PGC: variants seen among roughly 807,000 people sequenced by gnomAD.
The protein encoded by PGC is progastricsin.
In PGC, 31 loss-of-function variants were observed where a neutral mutation model predicts 45.9. The observed-to-expected ratio is 0.67, with a 90% CI of 0.51 to 0.91. The LOEUF is 0.91. Ranked by LOEUF, PGC falls within the 40% of genes least tolerant of loss-of-function variation. PGC has a pLI of 0.00. For missense variants in PGC, 477 were observed against 493.2 expected (o/e 0.97, Z 0.31); for synonymous variants, 192 against 201.8 (o/e 0.95, Z 0.41).
At chr6:41,742,533 C>T (rs1353689453) in intron 4 of PGC, 44 bp from the exon 5 acceptor site, 2 of 1,459,804 alleles carry the variant, frequency 1.4e-6, no homozygotes, top group African/African-American at 1.4e-5. Context: ...TCTGACTCCA[C>T]TCACCTCCTC....
chr6:41,745,119 A>G (rs976890718), intron 1 of PGC, among the ~76,000 whole-genome samples: 2 of 151,794 alleles, frequency 1.3e-5, no homozygotes, highest in African/African-American at 4.8e-5. Context: ...TTCACCATGC[A>G]TGCACTCCTC....
In PGC at chr6:41,736,951, G is replaced by A. The variant is rs370274716; in HGVS notation, c.1068C>T (p.Asn356=). 2.7e-5 allele frequency: 44 copies of A among 1,613,906 alleles called. No homozygotes were observed. Among genetic ancestry groups the A allele is most frequent in the Middle Eastern group, 3.3e-4 (2 of 6,078 alleles). ...GVEPTYLSSQ[N]GQPLWILGDV... ...CCCCGAGGATCCACAGGGGCTGGCC[G>A]TTCTGGGAGGACAGGTAGGTGGGCT... Residue 356 remains asparagine (N), a synonymous_variant, in exon 9 of 9, where the codon AAC becomes AAT. Transcript: ENST00000373025.
intron 5 of PGC, among the ~76,000 whole-genome samples, chr6:41,741,393 C>A (rs1771821056): frequency 6.6e-6 from 1 of 152,202 alleles, no homozygotes; most frequent in Non-Finnish European, 1.5e-5. Flanking sequence ...CACCTGTAAT[C>A]CCAACACTTT....
Position 41,742,258 on chromosome 6 carries a change from G to A in PGC, c.647+32C>T, listed in dbSNP as rs73733016. The A allele has an allele frequency of 6.4e-3, 10,246 of 1,599,316 alleles. 564 individuals are homozygous for A. In the African/African-American group the frequency reaches 0.12, roughly 18 times the overall value. On this transcript the variant is annotated intron_variant, in intron 5 of 8. Coordinates refer to ENST00000373025, the MANE Select transcript of PGC (RefSeq NM_002630.4). Reference sequence around the variant, plus strand: ...TCCAGGGCGGCCGGGGGAGCATCCCGGGAGGTGGGGACTGGCCAGCTGGTT... The same window carrying A: ...TCCAGGGCGGCCGGGGGAGCATCCCAGGAGGTGGGGACTGGCCAGCTGGTT...
At chr6:41,745,014 T>TGTGCGC (rs1415285815) in intron 1 of PGC, among the ~76,000 whole-genome samples, 3,015 of 99,848 alleles carry the variant, frequency 0.03, 112 homozygotes, top group Admixed American at 0.13. Context: ...TGTGTGTGTG[T>TGTGCGC]GCGCGCGCGC....
In PGC at chr6:41,744,614, C is replaced by G; in HGVS notation, c.210+44G>C. On this transcript the variant is annotated intron_variant, in intron 2 of 8. Coordinates refer to ENST00000373025, the MANE Select transcript of PGC (RefSeq NM_002630.4). This position sits in a 1 kb window ranked among gnomAD's most constrained non-coding sequence, Gnocchi z 4.4. ...AAGGGACCTGCCCCTTCCCTCCAGC[C>G]CACACCAGAGAGAAGGCTACCGCCA... The G allele has an allele frequency of 6.2e-7, 1 of 1,609,032 alleles. No individual in the cohort carries two copies. The highest frequency in any genetic ancestry group is 8.5e-7 in the Non-Finnish European group (1 of 1,176,050).
chr6:41,737,698 T>C, intron 8 of PGC, 32 bp downstream of exon 8: 4 of 1,338,002 alleles, frequency 3.0e-6, no homozygotes, highest in Non-Finnish European at 4.3e-6. Flanking sequence ...ACCCCAATCA[T>C]GGTGGCTCAG....
At chr6:41,741,782 G>A in intron 5 of PGC, 2 of 1,532,336 alleles carry the variant, frequency 1.3e-6, no homozygotes, top group South Asian at 1.2e-5. Context: ...GTGTTGACTG[G>A]CAAGGATAAC....
intron 7 of PGC, among the ~76,000 whole-genome samples, chr6:41,739,375 G>T (rs1422465324): frequency 6.6e-6 from 1 of 151,494 alleles, no homozygotes; most frequent in Non-Finnish European, 1.5e-5. Context: ...AGGTCCCCCT[G>T]CCTCCAGCGC....
At chr6:41,739,418 T>C (rs961437808) in intron 7 of PGC, among the ~76,000 whole-genome samples, 30 of 151,582 alleles carry the variant, frequency 2.0e-4, no homozygotes, top group Non-Finnish European at 4.1e-4. Context: ...GGTCAAGAGT[T>C]AGGCTTTTTT....
chr6:41,739,348 A>T (rs1376647997), intron 7 of PGC, among the ~76,000 whole-genome samples: 1 of 151,876 alleles, frequency 6.6e-6, no homozygotes, highest in Non-Finnish European at 1.5e-5. Context: ...CATCCTGCAC[A>T]CAGCCCCAGT....
rs1340534593 is a variant in PGC, at chr6:41,737,581, G to C, written c.1014+149C>G. 3 of 577,528 alleles carry C rather than the reference G, an allele frequency of 5.2e-6. No individual in the cohort carries two copies. The African/African-American group carries it at 5.6e-5, about 11-fold the overall frequency. 35.8% of individuals were successfully genotyped at this position (577,528 alleles called of 1,614,324 possible). ...TTTCATAGCCTTGTTCCAGAGAAGG[G>C]GGTTTAGAATCAATGAGTGGGGAAG... On this transcript the variant is annotated intron_variant, in intron 8 of 8. Transcript: ENST00000373025.
At chr6:41,740,869 G>C (rs971755216) in intron 5 of PGC, 3 of 1,431,780 alleles carry the variant, frequency 2.1e-6, no homozygotes, top group Non-Finnish European at 2.7e-6. Context: ...CTCAGACTGG[G>C]GCTCCCTGAG....
At chr6:41,738,227 C>CAT (rs10557593) in intron 7 of PGC, among the ~76,000 whole-genome samples, 17 of 13,296 alleles carry the variant, frequency 1.3e-3, no homozygotes, top group East Asian at 3.2e-3. Context: ...TATATATATG[C>CAT]ATATATATAT....
At position 41,742,492 on chromosome 6, in the gene PGC, A is replaced by C; in HGVS notation, c.448-3T>G. 1 of 1,613,666 alleles carries C rather than the reference A, an allele frequency of 6.2e-7. No homozygotes were observed. The highest frequency in any genetic ancestry group is 1.6e-4 in the Middle Eastern group (1 of 6,062). ...TTGGGGACCTGGATGCTCTGGACCT[A>C]ATGGAGACACAAACGAGGGGAGGTG... On this transcript the variant is annotated splice_polypyrimidine_tract_variant and splice_region_variant and intron_variant, in intron 4 of 8. Coordinates refer to ENST00000373025, the MANE Select transcript of PGC (RefSeq NM_002630.4).
intron 4 of PGC, 57 bp from the exon 5 acceptor site, chr6:41,742,546 G>C (rs1771850236): frequency 2.2e-6 from 3 of 1,337,262 alleles, no homozygotes; most frequent in African/African-American, 1.4e-5. Flanking sequence ...ACCTCCTCCA[G>C]GTTCCCCTAG....
At chr6:41,738,638 TAAC>T (rs1031780512) in intron 7 of PGC, among the ~76,000 whole-genome samples, 9 of 136,246 alleles carry the variant, frequency 6.6e-5, no homozygotes, top group African/African-American at 1.7e-4. Flanking sequence ...AAAACAACAA[TAAC>T]AACAACAACA....
rs1284760282 is a variant in PGC, at chr6:41,744,949, TTCTC to T, written c.60-145_60-142del. The T allele has an allele frequency of 1.2e-5, 9 of 739,718 alleles. No individual in the cohort carries two copies. The highest frequency in any genetic ancestry group is 2.5e-5 in the Admixed American group (1 of 40,160). The allele number at this position is 739,718 out of a possible 1,614,324, so 45.8% of individuals were successfully genotyped here. A position where few individuals can be genotyped will look rare whatever the true frequency, so the allele number is the denominator to read the frequency against. On this transcript the variant is annotated intron_variant, in intron 1 of 8. Coordinates refer to ENST00000373025, the MANE Select transcript of PGC (RefSeq NM_002630.4). The surrounding 1 kb of genome is among the most constrained non-coding windows in gnomAD (Gnocchi z 4.4). ...TTCCCCCTTGTCTGTGTGTGTCTTT[TTCTC>T]TCTCTCAGCCTTTTGCTCTCTGTCT...
Position 41,742,479 on chromosome 6 carries a change from A to T in PGC, c.458T>A (p.Ile153Asn). ...GCCGAACTCCTGGTTGGGGACCTGG[A>T]TGCTCTGGACCTAATGGAGACACAA... The part of the protein sequence containing the change: ...FGYDTLTVQS[I>N]QVPNQEFGLS... Residue 153 changes from isoleucine to asparagine, a missense_variant, in exon 5 of 9, where the codon ATC becomes AAC. Ile to Asn is a moderately radical substitution (Grantham distance 149, BLOSUM62 -3). Coordinates refer to ENST00000373025, the MANE Select transcript of PGC (RefSeq NM_002630.4). The T allele has an allele frequency of 1.9e-6, 3 of 1,614,072 alleles. No homozygotes were observed. Among genetic ancestry groups the T allele is most frequent in the Non-Finnish European group, 1.7e-6 (2 of 1,179,960 alleles).
Sources: gnomAD v4.1 joint callset for allele counts (sites outside exome capture counted in the v4.1 genomes callset) on GRCh38, gnomAD v4.1.1 for gene constraint, Gnocchi (gnomAD v3.1) non-coding constraint, MANE v1.5 for transcripts, NCBI Gene and HGNC (gene_info 2026-07-23, HGNC 2026-07-21) for gene names.